CTNNA3: variants seen among roughly 807,000 people sequenced by gnomAD.
The protein encoded by CTNNA3 is catenin alpha 3.
A neutral mutation model predicts 95.7 loss-of-function variants in CTNNA3; 76 were observed. The ratio of observed to expected loss-of-function variants is 0.79; its 90% CI spans 0.66 to 0.96. The LOEUF is 0.96. Among genes scored for constraint, CTNNA3 ranks in the 40% least tolerant of loss-of-function variants. The pLI is 0.00. For synonymous variants in CTNNA3, 431 were observed against 374.4 expected (o/e 1.15, Z -1.74); for missense variants, 1,191 against 1,089.8 (o/e 1.09, Z -1.31).
In CTNNA3 at chr10:66,515,345, C is replaced by CTCTCTCTA. The variant is rs558913767; in HGVS notation, c.1531+5271_1531+5272insTAGAGAGA. The stretch of plus-strand genomic sequence containing the variant: ...TCCCTCTCTGTCTCTCTCTCTCTCT[C>CTCTCTCTA]TATATATATATATAGTATTAGTATT... On this transcript the variant is annotated intron_variant, in intron 11 of 17. Transcript: ENST00000433211. Among the ~76,000 whole-genome samples, 762 of 148,982 alleles carry CTCTCTCTA rather than the reference C, an allele frequency of 5.1e-3. 7 individuals carry two copies. Among genetic ancestry groups the CTCTCTCTA allele is most frequent in the Middle Eastern group, 0.014 (4 of 292 alleles).
At chr10:67,557,461 C>T (rs1484427957) in intron 3 of CTNNA3, among the ~76,000 whole-genome samples, 3 of 152,078 alleles carry the variant, frequency 2.0e-5, no homozygotes, top group Non-Finnish European at 4.4e-5. Context: ...ATTTATGTTG[C>T]CTATATTGAT....
At chr10:66,338,396 T>G (rs953118270) in intron 12 of CTNNA3, among the ~76,000 whole-genome samples, 1 of 152,020 alleles carries the variant, frequency 6.6e-6, no homozygotes, top group Non-Finnish European at 1.5e-5. Context: ...TCAGTAAATA[T>G]ACTAAACATC....
rs184065651 is a variant in CTNNA3 at position 66,945,843 on chromosome 10, A to G, written c.1048-170319T>C. The stretch of plus-strand genomic sequence containing the variant: ...CTCAGGGAATAGGGAGGCCCACAGT[A>G]AGGGAGGGAAATAGAGAATGGCTGG... On this transcript the variant is annotated intron_variant, in intron 7 of 17. Coordinates refer to ENST00000433211, the MANE Select transcript of CTNNA3 (RefSeq NM_013266.4). Among the ~76,000 whole-genome samples the G allele has an allele frequency of 2.2e-4, 33 of 152,232 alleles. No individual in the cohort carries two copies. In the East Asian group the frequency reaches 6.4e-3, roughly 29 times the overall value.
chr10:66,422,879 C>CCT (rs200327510), intron 11 of CTNNA3, among the ~76,000 whole-genome samples: 56 of 151,800 alleles, frequency 3.7e-4, no homozygotes, highest in African/African-American at 1.4e-3. Context: ...ATCCACCTCC[C>CCT]TCGGCCTACC....
At chr10:66,006,384 CCA>C (rs1403675231) in intron 15 of CTNNA3, among the ~76,000 whole-genome samples, 5 of 152,156 alleles carry the variant, frequency 3.3e-5, no homozygotes, top group Admixed American at 2.6e-4. Context: ...CAACACCCCC[CCA>C]CACCCAACAA....
intron 10 of CTNNA3, among the ~76,000 whole-genome samples, chr10:66,528,651 G>A (rs972097765): frequency 1.3e-5 from 2 of 152,128 alleles, no homozygotes; most frequent in African/African-American, 2.4e-5. Flanking sequence ...GGTAATTTCA[G>A]GTGTTTTACA....
chr10:66,064,732 C>T (rs944446124), intron 15 of CTNNA3, among the ~76,000 whole-genome samples: 1 of 152,154 alleles, frequency 6.6e-6, no homozygotes, highest in African/African-American at 2.4e-5. Flanking sequence ...TTAGTATCAA[C>T]ATTTAGGATC....
At chr10:66,765,618 A>T in intron 9 of CTNNA3, among the ~76,000 whole-genome samples, 1 of 152,052 alleles carries the variant, frequency 6.6e-6, no homozygotes, top group Middle Eastern at 3.2e-3. Context: ...TACTTGTGTT[A>T]TTGACATCCA....
chr10:67,682,113 G>A (rs1238485577), intron 1 of CTNNA3, among the ~76,000 whole-genome samples: 1 of 150,304 alleles, frequency 6.7e-6, no homozygotes, highest in African/African-American at 2.5e-5. Context: ...AGCCGAGATT[G>A]CGCCATTGCA....
chr10:66,161,220 C>G (rs2084826167), intron 13 of CTNNA3, among the ~76,000 whole-genome samples: 1 of 152,086 alleles, frequency 6.6e-6, no homozygotes, highest in South Asian at 2.1e-4. Flanking sequence ...ATTCATCATG[C>G]TTTTTGTTAC....
At position 66,186,683 on chromosome 10, in the gene CTNNA3, G is replaced by C. The variant is rs113958584; in HGVS notation, c.1885-83434C>G. On this transcript the variant is annotated intron_variant, in intron 13 of 17. Coordinates refer to ENST00000433211, the MANE Select transcript of CTNNA3 (RefSeq NM_013266.4). ...TTATGGTTTTATCCAGTCAAGAAAAGGCATTCAGGACATTTGTTATTAACT... is the reference window on the plus strand; with the variant it reads ...TTATGGTTTTATCCAGTCAAGAAAACGCATTCAGGACATTTGTTATTAACT... Among the ~76,000 whole-genome samples, 579 of 152,032 alleles carry C rather than the reference G, an allele frequency of 3.8e-3. 1 individual carries two copies. Among genetic ancestry groups the C allele is most frequent in the Non-Finnish European group, 5.6e-3 (382 of 67,904 alleles).
intron 11 of CTNNA3, among the ~76,000 whole-genome samples, chr10:66,498,761 G>A (rs1296352481): frequency 6.6e-6 from 1 of 152,114 alleles, no homozygotes; most frequent in African/African-American, 2.4e-5. Flanking sequence ...TTTGGAAACA[G>A]TGCTATACCA....
At chr10:66,430,544 C>T (rs1334240363) in intron 11 of CTNNA3, among the ~76,000 whole-genome samples, 2 of 152,138 alleles carry the variant, frequency 1.3e-5, no homozygotes, top group Non-Finnish European at 2.9e-5. Context: ...GATACTGGTA[C>T]CAAAACAGAT....
At chr10:67,691,552 C>G (rs968035359) in intron 1 of CTNNA3, among the ~76,000 whole-genome samples, 1 of 148,802 alleles carries the variant, frequency 6.7e-6, no homozygotes, top group Non-Finnish European at 1.5e-5. Context: ...CCGCCCCGTC[C>G]GGGATGTGAG....
At chr10:67,382,856 T>C (rs186186761) in intron 5 of CTNNA3, among the ~76,000 whole-genome samples, 9 of 152,238 alleles carry the variant, frequency 5.9e-5, no homozygotes, top group Admixed American at 4.6e-4. Context: ...TGCCAGGCTT[T>C]CTTAAACAGT....
At chr10:66,269,394 C>T (rs999194307) in intron 13 of CTNNA3, among the ~76,000 whole-genome samples, 5 of 152,074 alleles carry the variant, frequency 3.3e-5, no homozygotes, top group East Asian at 1.9e-4. Flanking sequence ...AATCCCAAAC[C>T]ATTAATTTTA....
intron 13 of CTNNA3, among the ~76,000 whole-genome samples, chr10:66,279,518 C>A (rs967115864): frequency 1.3e-5 from 2 of 152,004 alleles, no homozygotes; most frequent in African/African-American, 4.8e-5. Context: ...TAGCTTTTCA[C>A]CCAGGATGAA....
intron 5 of CTNNA3, among the ~76,000 whole-genome samples, chr10:67,303,288 G>A (rs1840402659): frequency 6.6e-6 from 1 of 152,176 alleles, no homozygotes; most frequent in African/African-American, 2.4e-5. Context: ...GCTACCCTAG[G>A]AAACCCAATA....
At chr10:67,548,210 G>T (rs1179539107) in intron 3 of CTNNA3, among the ~76,000 whole-genome samples, 1 of 152,066 alleles carries the variant, frequency 6.6e-6, no homozygotes, top group Non-Finnish European at 1.5e-5. Flanking sequence ...TCCCACTCTC[G>T]TCATGTGACA....
Sources: allele counts gnomAD v4.1 joint callset (sites outside exome capture counted in the v4.1 genomes callset), GRCh38; gene constraint gnomAD v4.1.1; transcripts MANE v1.5; gene names NCBI Gene and HGNC (gene_info 2026-07-23, HGNC 2026-07-21).